VRK1: variants seen among roughly 807,000 people sequenced by gnomAD.
The protein encoded by VRK1 is VRK serine/threonine kinase 1, also known as serine/threonine-protein kinase VRK1.
VRK1 carries 33 observed loss-of-function variants against 57.1 expected under a neutral mutation model. The observed-to-expected ratio is 0.58, with a 90% confidence interval of 0.44 to 0.77. VRK1 has a LOEUF of 0.77. Ranked by LOEUF, VRK1 falls within the 30% of genes least tolerant of loss-of-function variation. VRK1 has a pLI of 0.00. For missense variants in VRK1, 413 were observed against 477.3 expected, an observed-to-expected ratio of 0.87 and a Z score of 1.25; for synonymous variants, 137 against 147.8, an observed-to-expected ratio of 0.93 and a Z score of 0.53.
At chr14:96,880,472 G>C (rs1472533618) in intron 12 of VRK1, among the ~76,000 whole-genome samples, 1 of 152,214 alleles carries the variant, frequency 6.6e-6, no homozygotes, top group Non-Finnish European at 1.5e-5. Flanking sequence ...GCTAACTGCT[G>C]TACCCAGAGG....
intron 2 of VRK1, among the ~76,000 whole-genome samples, chr14:96,835,584 T>G (rs1281188961): frequency 6.6e-6 from 1 of 152,218 alleles, no homozygotes; most frequent in African/African-American, 2.4e-5. Context: ...GGATCTCTAC[T>G]TAGATGTTCC....
chr14:96,815,478 T>C (rs1376322157), intron 1 of VRK1, among the ~76,000 whole-genome samples: 1 of 152,142 alleles, frequency 6.6e-6, no homozygotes, highest in Non-Finnish European at 1.5e-5. Flanking sequence ...AGATACCTTA[T>C]ATTGTTTGGG....
intron 1 of VRK1, among the ~76,000 whole-genome samples, chr14:96,829,586 G>A (rs916151495): frequency 6.6e-6 from 1 of 152,046 alleles, no homozygotes; most frequent in African/African-American, 2.4e-5. Context: ...GAATCCTGAT[G>A]TTCAGGGACA....
chr14:96,856,263 T>G lies in VRK1; in HGVS notation c.830+13T>G. On this transcript the variant is annotated intron_variant, in intron 9 of 12. Coordinates refer to ENST00000216639, the MANE Select transcript of VRK1 (RefSeq NM_003384.3). ...ATTCCAAAATTAGGTAAAGGAAAAC[T>G]TAAGTTATTTCTAGCAAAATCATGA... 6.2e-7 allele frequency: 1 copy of G among 1,611,806 alleles called. No individual in the cohort carries two copies. The highest frequency in any genetic ancestry group is 8.5e-7 in the Non-Finnish European group (1 of 1,179,376).
chr14:96,830,770 G>T (rs1262615853), intron 1 of VRK1, among the ~76,000 whole-genome samples: 1 of 152,196 alleles, frequency 6.6e-6, no homozygotes, highest in African/African-American at 2.4e-5. Context: ...GGTTCAGGGT[G>T]AGTGTATGTC....
chr14:96,838,149 A>T (rs1258600858), intron 3 of VRK1, among the ~76,000 whole-genome samples: 2 of 152,106 alleles, frequency 1.3e-5, no homozygotes, highest in Non-Finnish European at 2.9e-5. Context: ...CTATAAGACT[A>T]TACTAATTTA....
intron 11 of VRK1, among the ~76,000 whole-genome samples, chr14:96,874,248 A>G (rs886499554): frequency 6.6e-6 from 1 of 152,200 alleles, no homozygotes; most frequent in Non-Finnish European, 1.5e-5. Flanking sequence ...TGCATCACAA[A>G]TCTGCTGACA....
chr14:96,808,002 C>CCTCTCTCCGTCTATCGCTCT (rs149250994), intron 1 of VRK1, among the ~76,000 whole-genome samples: 1 of 118,140 alleles, frequency 8.5e-6, no homozygotes. Context: ...TCCCTCTCTC[C>CCTCTCTCCGTCTATCGCTCT]CTCTCTCTCT....
intron 10 of VRK1, among the ~76,000 whole-genome samples, chr14:96,857,649 A>AT (rs1388981171): frequency 6.6e-6 from 1 of 152,208 alleles, no homozygotes; most frequent in Non-Finnish European, 1.5e-5. Flanking sequence ...GCAGTAACCC[A>AT]TGCAAGAGAA....
At chr14:96,850,964 C>T (rs574520193) in intron 5 of VRK1, among the ~76,000 whole-genome samples, 21 of 152,248 alleles carry the variant, frequency 1.4e-4, no homozygotes, top group Middle Eastern at 3.4e-3. Context: ...ATAATCATTA[C>T]ACACATCACC....
intron 12 of VRK1, among the ~76,000 whole-genome samples, chr14:96,879,260 CAG>C (rs1363230662): frequency 6.6e-6 from 1 of 151,834 alleles, no homozygotes; most frequent in African/African-American, 2.4e-5. Context: ...TTGTAACAAT[CAG>C]AATTGATTAT....
chr14:96,830,320 T>C (rs1886954108), intron 1 of VRK1, among the ~76,000 whole-genome samples: 1 of 152,140 alleles, frequency 6.6e-6, no homozygotes, highest in African/African-American at 2.4e-5. Flanking sequence ...TTTTCTTTGT[T>C]ATATGTATGT....
intron 9 of VRK1, 51 bp downstream of exon 9, chr14:96,856,301 T>C (rs1341187147): frequency 6.3e-7 from 1 of 1,597,464 alleles, no homozygotes; most frequent in South Asian, 1.1e-5. Flanking sequence ...AGCCAAATGT[T>C]TTTAGTCACA....
intron 11 of VRK1, among the ~76,000 whole-genome samples, chr14:96,865,944 A>T (rs763774065): frequency 1.3e-4 from 19 of 151,968 alleles, no homozygotes; most frequent in South Asian, 2.1e-4. Flanking sequence ...TCTATTTTTT[A>T]AAAAAAGTAA....
chr14:96,862,290 C>G (rs1888420688), intron 11 of VRK1, among the ~76,000 whole-genome samples: 1 of 152,142 alleles, frequency 6.6e-6, no homozygotes, highest in African/African-American at 2.4e-5. Flanking sequence ...TGGATCATCC[C>G]TGACATGTAT....
chr14:96,850,594 T>TA (rs1371907898), intron 5 of VRK1, among the ~76,000 whole-genome samples: 2 of 152,194 alleles, frequency 1.3e-5, no homozygotes, highest in Non-Finnish European at 2.9e-5. Context: ...GATTTGTGAA[T>TA]AAAAACAAAG....
chr14:96,836,671 C>T (rs572022348), intron 2 of VRK1, among the ~76,000 whole-genome samples: 4 of 151,882 alleles, frequency 2.6e-5, no homozygotes, highest in East Asian at 1.9e-4. Flanking sequence ...CTAACAGGTG[C>T]GTGCCACCAC....
At position 96,852,817 on chromosome 14, in the gene VRK1, A is replaced by G. The variant is rs551029072; in HGVS notation, c.375-14A>G. On this transcript the variant is annotated splice_polypyrimidine_tract_variant and intron_variant, in intron 5 of 12. Transcript: ENST00000216639. ...ATTGTATTTTGTTCATTGGCTTTTCATATTTGTCTTCAGTTACAGGTTTAT... is the reference window on the plus strand; with the variant it reads ...ATTGTATTTTGTTCATTGGCTTTTCGTATTTGTCTTCAGTTACAGGTTTAT... 230 of 1,607,680 alleles carry G rather than the reference A, an allele frequency of 1.4e-4. 2 individuals carry two copies. The South Asian group carries it at 2.5e-3, about 17-fold the overall frequency.
chr14:96,881,359 TA>T lies in VRK1; in HGVS notation c.*156del, dbSNP rs1464634865. On this transcript the variant is annotated 3_prime_UTR_variant, in exon 13 of 13. Coordinates refer to ENST00000216639, the MANE Select transcript of VRK1 (RefSeq NM_003384.3). The stretch of plus-strand genomic sequence containing the variant: ...GTTCAGAAAACATAAACTTTTTTTA[TA>T]AAAATATTTTGTACAATTCATTAAA... The T allele has an allele frequency of 3.4e-5, 24 of 696,996 alleles. No homozygotes were observed. In the East Asian group the frequency reaches 6.4e-4, roughly 19 times the overall value. The allele number at this position is 696,996 out of a possible 1,614,324, so 43.2% of individuals were successfully genotyped here.
Sources: gnomAD v4.1 joint callset for allele counts (sites outside exome capture counted in the v4.1 genomes callset) on GRCh38, gnomAD v4.1.1 for gene constraint, MANE v1.5 for transcripts, NCBI Gene and HGNC (gene_info 2026-07-23, HGNC 2026-07-21) for gene names.